The following ABR variants were observed in gnomAD, a reference collection of about 807,000 sequenced individuals.
ABR encodes the protein ABR activator of RhoGEF and GTPase.
Under a neutral mutation model 107.2 loss-of-function variants are expected in ABR, and 35 were observed. The observed-to-expected ratio is 0.33, with a 90% confidence interval of 0.25 to 0.43. The LOEUF is 0.43. Ranked by LOEUF, ABR falls within the 20% of genes least tolerant of loss-of-function variation. The pLI is 1.00. For synonymous variants in ABR, 498 were observed against 462.0 expected, an observed-to-expected ratio of 1.08 and a Z score of -1.00; for missense variants, 815 against 1,115.2, an observed-to-expected ratio of 0.73 and a Z score of 3.83.
Position 1,012,801 on chromosome 17 carries a change from G to GT in ABR, c.1852-5dup, listed in dbSNP as rs1371311270. ...TCATGGAAAATTCCACTTTGATCTG[G>GT]TTGGGGGGTGAGGCAGGTAAAGATT... On this transcript the variant is annotated splice_region_variant and splice_polypyrimidine_tract_variant and intron_variant, in intron 17 of 22. Coordinates refer to ENST00000302538, the MANE Select transcript of ABR (RefSeq NM_021962.5). 3.8e-6 allele frequency: 6 copies of GT among 1,571,316 alleles called. No individual in the cohort carries two copies. The African/African-American group carries it at 6.7e-5, about 18-fold the overall frequency.
chr17:1,160,658 G>C (rs2041251816), intron 1 of ABR, among the ~76,000 whole-genome samples: 1 of 152,220 alleles, frequency 6.6e-6, no homozygotes, highest in Admixed American at 6.5e-5. Context: ...ACGACAGCCA[G>C]ACGCCGAGCG....
intron 2 of ABR, among the ~76,000 whole-genome samples, chr17:1,119,496 C>CAGCGTTATCGCTGAGCCTGAGTTCTCCCA (rs1418430826): frequency 2.0e-5 from 3 of 151,702 alleles, no homozygotes; most frequent in Non-Finnish European, 4.4e-5. Context: ...GAGTTCCTCC[C>CAGCGTTATCGCTGAGCCTGAGTTCTCCCA]AGCGTTATCC....
In ABR at chr17:1,028,880, G is replaced by A. The variant is rs376549503; in HGVS notation, c.1792-15716C>T. ...CCCGACAGACAAATGCTTCTGGACCGGCCTCCCTTCAGGCCCTCTTAGCCT... is the reference window on the plus strand; with the variant it reads ...CCCGACAGACAAATGCTTCTGGACCAGCCTCCCTTCAGGCCCTCTTAGCCT... On this transcript the variant is annotated intron_variant, in intron 16 of 22. Transcript: ENST00000302538. Among the ~76,000 whole-genome samples the A allele has an allele frequency of 3.7e-4, 56 of 152,136 alleles. 1 individual carries two copies. The East Asian group carries it at 5.0e-3, about 14-fold the overall frequency.
chr17:1,011,990 G>A lies in ABR; in HGVS notation c.1962-5C>T. ...GGCACCTTGGAGCGCTCCCGCCTGG[G>A]GTGGAGCGTGAGGATGGGTGGAGGG... is the stretch of plus-strand genomic sequence containing the variant. On this transcript the variant is annotated splice_region_variant and splice_polypyrimidine_tract_variant and intron_variant, in intron 18 of 22. Transcript: ENST00000302538. The surrounding 1 kb of genome is among the most constrained non-coding windows in gnomAD (Gnocchi z 4.8). 6.2e-7 allele frequency: 1 copy of A among 1,612,342 alleles called. No individual in the cohort carries two copies. The highest frequency in any genetic ancestry group is 8.5e-7 in the Non-Finnish European group (1 of 1,178,770).
chr17:1,040,994 A>G (rs1477536798), intron 16 of ABR, among the ~76,000 whole-genome samples: 1 of 151,892 alleles, frequency 6.6e-6, no homozygotes, highest in Non-Finnish European at 1.5e-5. Flanking sequence ...GCTCACCGCA[A>G]CCTCCACCTC....
intron 16 of ABR, among the ~76,000 whole-genome samples, chr17:1,028,252 G>A (rs1264109407): frequency 2.1e-5 from 3 of 140,750 alleles, no homozygotes; most frequent in East Asian, 2.3e-4. Context: ...CACCATGCCC[G>A]GCTATTTTTT....
intron 1 of ABR, among the ~76,000 whole-genome samples, chr17:1,166,189 G>A (rs1176142792): frequency 6.6e-6 from 1 of 152,018 alleles, no homozygotes; most frequent in Admixed American, 6.6e-5. Context: ...AACACCACAC[G>A]TTCAAAGCAG....
At chr17:1,069,748 A>G (rs969061823) in intron 9 of ABR, among the ~76,000 whole-genome samples, 1 of 61,846 alleles carries the variant, frequency 1.6e-5, no homozygotes, top group Non-Finnish European at 3.2e-5. Context: ...GCCCTGTGCC[A>G]CTGGACTCAC....
chr17:1,134,785 C>A (rs78186195), intron 1 of ABR, among the ~76,000 whole-genome samples: 4 of 152,166 alleles, frequency 2.6e-5, no homozygotes, highest in Non-Finnish European at 5.9e-5. Flanking sequence ...AGGGACCCTG[C>A]GGTCCGGCAG....
chr17:1,057,085 G>T lies in ABR; in HGVS notation c.1399C>A (p.Leu467Met). The T allele has an allele frequency of 6.2e-7, 1 of 1,611,028 alleles. No individual in the cohort carries two copies. The highest frequency in any genetic ancestry group is 1.1e-5 in the South Asian group (1 of 90,934). ...LQKKDLQAFV[L>M]SSVELQVLTG... ...AGCACCTGGAGCTCCACTGAGCTCA[G>T]GACAAAGGCCTGGAGATCTGGAGGG... Residue 467 changes from leucine to methionine, a missense_variant, in exon 13 of 23, where the codon CTG (leucine) becomes ATG (methionine). Around this residue, in one of 5 missense-constraint regions of ABR, gnomAD observed 385 missense variants for 596.9 expected, o/e 0.64. Coordinates refer to ENST00000302538, the MANE Select transcript of ABR (RefSeq NM_021962.5).
At chr17:1,057,880 C>T (rs1190665512) in intron 12 of ABR, 90 bp downstream of exon 12, 8 of 1,206,840 alleles carry the variant, frequency 6.6e-6, no homozygotes, top group East Asian at 2.3e-5. Context: ...GGGCCAAAGA[C>T]GTGATACTGG....
intron 21 of ABR, 51 bp from the exon 22 acceptor site, chr17:1,007,363 G>C (rs771807791): frequency 3.1e-6 from 5 of 1,606,740 alleles, no homozygotes; most frequent in Non-Finnish European, 4.3e-6. Context: ...GCAGCCACTC[G>C]GAGCTCCAGG....
chr17:1,207,335 C>T (rs193026669), intron 1 of ABR, among the ~76,000 whole-genome samples: 15 of 152,024 alleles, frequency 9.9e-5, no homozygotes, highest in Non-Finnish European at 1.8e-4. Flanking sequence ...GATAATTTTA[C>T]AATATCTATT....
chr17:1,099,354 C>T (rs2037716040), intron 3 of ABR, among the ~76,000 whole-genome samples: 1 of 152,160 alleles, frequency 6.6e-6, no homozygotes, highest in Non-Finnish European at 1.5e-5. Context: ...GGATTACAGG[C>T]ACTGAGCCAC....
At chr17:1,018,871 G>C (rs1406759249) in intron 16 of ABR, among the ~76,000 whole-genome samples, 1 of 152,160 alleles carries the variant, frequency 6.6e-6, no homozygotes, top group Non-Finnish European at 1.5e-5. Context: ...TCTCATAGCC[G>C]CTCCCATCTC....
intron 16 of ABR, among the ~76,000 whole-genome samples, chr17:1,042,912 C>T (rs1156788337): frequency 2.0e-5 from 3 of 152,166 alleles, no homozygotes; most frequent in South Asian, 2.1e-4. Flanking sequence ...AGACACACAA[C>T]GGCATATGGG....
At chr17:1,087,868 C>T (rs919352502) in intron 4 of ABR, among the ~76,000 whole-genome samples, 1 of 152,164 alleles carries the variant, frequency 6.6e-6, no homozygotes, top group African/African-American at 2.4e-5. Context: ...CAGGGACTGC[C>T]GCTGCCACAG....
Position 1,175,880 on chromosome 17 carries a change from A to C in ABR, c.61+3787T>G, listed in dbSNP as rs35223586. On this transcript the variant is annotated intron_variant, in intron 1 of 22. Transcript: ENST00000302538. ...GCCGAGGCGGGTGGATCACGAGGTC[A>C]GGAGATCGAGACCATCCTGGCCAAC... 2.0e-5 allele frequency among the ~76,000 whole-genome samples: 3 copies of C among 151,916 alleles called. 1 individual carries two copies. In the South Asian group the frequency reaches 6.2e-4, roughly 32 times the overall value.
At chr17:1,161,451 G>A (rs1372464841) in intron 1 of ABR, among the ~76,000 whole-genome samples, 1 of 151,756 alleles carries the variant, frequency 6.6e-6, no homozygotes, top group Non-Finnish European at 1.5e-5. Context: ...TTGATATGTT[G>A]CCCGGACTGG....
Sources: gnomAD v4.1 joint callset for allele counts (sites outside exome capture counted in the v4.1 genomes callset) on GRCh38, gnomAD v4.1.1 for gene constraint, gnomAD v4.1.1 regional missense constraint, Gnocchi (gnomAD v3.1) non-coding constraint, MANE v1.5 for transcripts, NCBI Gene and HGNC (gene_info 2026-07-23, HGNC 2026-07-21) for gene names.